The following FNDC3B variants were observed in gnomAD, a reference collection of about 807,000 sequenced individuals.
The protein encoded by FNDC3B is fibronectin type III domain containing 3B, also known as fibronectin type III domain-containing protein 3B.
Under a neutral mutation model 151.5 loss-of-function variants are expected in FNDC3B, and 12 were observed. That is an observed-to-expected ratio of 0.08 (90% confidence interval 0.05 to 0.13). The LOEUF is 0.13. FNDC3B is among the 10% of genes least tolerant of loss of function. FNDC3B has a pLI of 1.00. For missense variants in FNDC3B, 1,214 were observed against 1,505.3 expected (o/e 0.81, Z 3.20); for synonymous variants, 528 against 549.0 (o/e 0.96, Z 0.54).
rs193087676 is a variant in FNDC3B, at chr3:172,356,876, C to T, written c.2795+3793C>T. Among the ~76,000 whole-genome samples the T allele has an allele frequency of 3.4e-4, 52 of 152,256 alleles. 2 individuals are homozygous for T. The East Asian group carries it at 6.6e-3, about 19-fold the overall frequency. ...CCCTCCTACCCTAGCCCTTTACCTG[C>T]GGGCCCTCTCAGTCTCCCTCACACC... On this transcript the variant is annotated intron_variant, in intron 22 of 25. Coordinates refer to ENST00000415807, the MANE Select transcript of FNDC3B (RefSeq NM_022763.4).
chr3:172,055,780 T>C (rs1025971237), intron 1 of FNDC3B, among the ~76,000 whole-genome samples: 49 of 151,500 alleles, frequency 3.2e-4, no homozygotes, highest in Non-Finnish European at 5.9e-5. Flanking sequence ...TCCTAGTATG[T>C]TTCTTTCTTT....
Position 172,264,373 on chromosome 3 carries a change from C to G in FNDC3B, c.790+12832C>G, listed in dbSNP as rs532859233. Among the ~76,000 whole-genome samples, 11 of 152,270 alleles carry G rather than the reference C, an allele frequency of 7.2e-5. No homozygotes were observed. In the Middle Eastern group the frequency reaches 0.014, roughly 188 times the overall value. On this transcript the variant is annotated intron_variant, in intron 6 of 25. Transcript: ENST00000415807. ...CTACCCATAGTTGGAATGAGAGATA[C>G]AGTAATCATCTAAATCTTAGCCTTT...
In FNDC3B at chr3:172,295,731, C is replaced by T. The variant is rs56732464; in HGVS notation, c.1001+217C>T. On this transcript the variant is annotated intron_variant, in intron 8 of 25. Transcript: ENST00000415807. ...AGAGCTATTTGGTATGGGTGTAATACATCACTTGGTTATATTTGCTGTCAG... is the reference window on the plus strand; with the variant it reads ...AGAGCTATTTGGTATGGGTGTAATATATCACTTGGTTATATTTGCTGTCAG... Among the ~76,000 whole-genome samples the T allele has an allele frequency of 2.6e-3, 394 of 152,256 alleles. 11 individuals carry two copies. In the East Asian group the frequency reaches 0.042, roughly 16 times the overall value.
At chr3:172,220,057 T>C (rs1726199966) in intron 3 of FNDC3B, among the ~76,000 whole-genome samples, 1 of 37,070 alleles carries the variant, frequency 2.7e-5, no homozygotes, top group Non-Finnish European at 5.6e-5. Flanking sequence ...AAGGTAATTT[T>C]ACATTTAACT....
chr3:172,204,135 C>T (rs968215718), intron 3 of FNDC3B, among the ~76,000 whole-genome samples: 1 of 152,202 alleles, frequency 6.6e-6, no homozygotes, highest in Non-Finnish European at 1.5e-5. Context: ...TCCATCATGC[C>T]TTGAATGGAT....
chr3:172,194,198 C>T (rs1449482423), intron 3 of FNDC3B, among the ~76,000 whole-genome samples: 2 of 151,656 alleles, frequency 1.3e-5, no homozygotes, highest in African/African-American at 4.8e-5. Flanking sequence ...CCAGCCTGGG[C>T]AACAGAGCAA....
At chr3:172,295,331 G>T in intron 7 of FNDC3B, 32 bp from the exon 8 acceptor site, 2 of 1,583,936 alleles carry the variant, frequency 1.3e-6, no homozygotes, top group Non-Finnish European at 1.7e-6. Flanking sequence ...AAATGGATTT[G>T]AATACTTTTG....
intron 1 of FNDC3B, among the ~76,000 whole-genome samples, chr3:172,050,074 C>T (rs1716565120): frequency 6.6e-6 from 1 of 151,994 alleles, no homozygotes; most frequent in South Asian, 2.1e-4. Flanking sequence ...GTAGGTTCTG[C>T]TCCCTCTGTT....
intron 2 of FNDC3B, among the ~76,000 whole-genome samples, chr3:172,126,103 A>G (rs1399887140): frequency 6.6e-6 from 1 of 152,142 alleles, no homozygotes; most frequent in Non-Finnish European, 1.5e-5. Flanking sequence ...GTCACTGTAT[A>G]TAAACAAAAG....
intron 4 of FNDC3B, among the ~76,000 whole-genome samples, chr3:172,236,907 G>T (rs968034352): frequency 1.3e-5 from 2 of 152,182 alleles, no homozygotes; most frequent in Non-Finnish European, 2.9e-5. Flanking sequence ...ACCCTCAGGG[G>T]TTACTGTCAT....
intron 4 of FNDC3B, among the ~76,000 whole-genome samples, chr3:172,229,951 T>C (rs1726800706): frequency 6.6e-6 from 1 of 152,134 alleles, no homozygotes; most frequent in Non-Finnish European, 1.5e-5. Flanking sequence ...AAAAGCTGGA[T>C]ATCCACATGC....
chr3:172,182,134 A>G (rs1405254285), intron 3 of FNDC3B, among the ~76,000 whole-genome samples: 1 of 152,112 alleles, frequency 6.6e-6, no homozygotes, highest in Non-Finnish European at 1.5e-5. Flanking sequence ...GTGACTTCCT[A>G]TTGTCCTACC....
chr3:172,328,323 T>A (rs7642511), intron 11 of FNDC3B, among the ~76,000 whole-genome samples: 2 of 152,048 alleles, frequency 1.3e-5, no homozygotes, highest in Admixed American at 1.3e-4. Flanking sequence ...AGCACTGTTA[T>A]GAGCAAAGCA....
At chr3:172,268,943 T>C (rs929787645) in intron 6 of FNDC3B, among the ~76,000 whole-genome samples, 2 of 152,258 alleles carry the variant, frequency 1.3e-5, no homozygotes, top group Non-Finnish European at 2.9e-5. Flanking sequence ...TATTTAAGTG[T>C]GTCTGTTAAA....
chr3:172,169,350 C>G (rs1723176677), intron 3 of FNDC3B, among the ~76,000 whole-genome samples: 2 of 152,202 alleles, frequency 1.3e-5, no homozygotes, highest in Non-Finnish European at 1.5e-5. Context: ...CTGAGTGAGG[C>G]CTGCCTGTAG....
chr3:172,392,679 A>T (rs557627570), intron 25 of FNDC3B, among the ~76,000 whole-genome samples: 2 of 152,258 alleles, frequency 1.3e-5, no homozygotes, highest in South Asian at 4.1e-4. Flanking sequence ...ATAGGTGGCA[A>T]GTGTTTTAGG....
At chr3:172,242,380 C>G (rs71635721) in intron 4 of FNDC3B, among the ~76,000 whole-genome samples, 6,420 of 152,256 alleles carry the variant, frequency 0.042, 183 homozygotes, top group Non-Finnish European at 0.066. Flanking sequence ...AGCAGAGGTT[C>G]TCGATGACAG....
At chr3:172,316,284 G>A in intron 11 of FNDC3B, 2 of 395,170 alleles carry the variant, frequency 5.1e-6, no homozygotes, top group South Asian at 3.7e-5. Context: ...ACAGGTGTGA[G>A]CCACCATGCC....
At chr3:172,181,888 T>G (rs907807024) in intron 3 of FNDC3B, among the ~76,000 whole-genome samples, 1 of 148,702 alleles carries the variant, frequency 6.7e-6, no homozygotes. Context: ...GCTCACTCAC[T>G]GAGTGGATTT....
Sources: gnomAD v4.1 joint callset for allele counts (sites outside exome capture counted in the v4.1 genomes callset) on GRCh38, gnomAD v4.1.1 for gene constraint, MANE v1.5 for transcripts, NCBI Gene and HGNC (gene_info 2026-07-23, HGNC 2026-07-21) for gene names.